WFDC8: variants seen among roughly 807,000 people sequenced by gnomAD.
The protein encoded by WFDC8 is WAP four-disulfide core domain 8, also known as WAP four-disulfide core domain protein 8.
In WFDC8, 24 loss-of-function variants were observed where a neutral mutation model predicts 27.0. That is an observed-to-expected ratio of 0.89 (90% CI 0.64 to 1.25). The LOEUF (loss-of-function observed/expected upper bound fraction) is 1.25, where lower values mean the gene tolerates loss of function less well. WFDC8 is among the 50% of genes most tolerant of loss of function. WFDC8 has a pLI of 0.00. For missense variants in WFDC8, 287 were observed against 295.9 expected, an observed-to-expected ratio of 0.97 and a Z score of 0.22; for synonymous variants, 106 against 99.7, an observed-to-expected ratio of 1.06 and a Z score of -0.38.
rs549256551 is a variant in WFDC8, at chr20:45,555,030, A to C, written c.445+671T>G. Among the ~76,000 whole-genome samples, 213 of 152,276 alleles carry C rather than the reference A, an allele frequency of 1.4e-3. 1 individual carries two copies. Among genetic ancestry groups the C allele is most frequent in the South Asian group, 6.0e-3 (29 of 4,828 alleles). On this transcript the variant is annotated intron_variant, in intron 4 of 5. Coordinates refer to ENST00000289953, the MANE Select transcript of WFDC8 (RefSeq NM_130896.3). ...CACACCACGGGACCACCACTCTATC[A>C]AGTCTTTGTGTTTTAAATCACATAT...
intron 4 of WFDC8, among the ~76,000 whole-genome samples, chr20:45,554,609 C>T (rs1055316043): frequency 6.6e-6 from 1 of 152,152 alleles, no homozygotes; most frequent in African/African-American, 2.4e-5. Context: ...CCTAAATTTC[C>T]CACAAACCAG....
At chr20:45,564,655 A>G (rs1389977252) in intron 1 of WFDC8, among the ~76,000 whole-genome samples, 1 of 148,222 alleles carries the variant, frequency 6.7e-6, no homozygotes, top group Non-Finnish European at 1.5e-5. Context: ...AGCCTGGGCA[A>G]TAGAGAGAGA....
At chr20:45,561,739 CGTGT>C (rs10534885) in intron 2 of WFDC8, among the ~76,000 whole-genome samples, 5,675 of 147,734 alleles carry the variant, frequency 0.038, 125 homozygotes, top group Middle Eastern at 0.13. Flanking sequence ...ATTAAACTTG[CGTGT>C]GTGTGTGTGT....
At chr20:45,574,922 T>C (rs1980993301) in intron 1 of WFDC8, among the ~76,000 whole-genome samples, 1 of 152,164 alleles carries the variant, frequency 6.6e-6, no homozygotes, top group Non-Finnish European at 1.5e-5. Context: ...ATTAGTGATA[T>C]AAATAATATG....
intron 1 of WFDC8, among the ~76,000 whole-genome samples, chr20:45,576,356 A>G (rs2145579441): frequency 6.6e-6 from 1 of 151,276 alleles, no homozygotes; most frequent in Middle Eastern, 3.6e-3. Flanking sequence ...ACCATTATCT[A>G]GCAAGCCATC....
At chr20:45,560,115 A>T (rs1980414695) in intron 2 of WFDC8, among the ~76,000 whole-genome samples, 1 of 152,222 alleles carries the variant, frequency 6.6e-6, no homozygotes, top group Non-Finnish European at 1.5e-5. Context: ...TAGGTCCTTG[A>T]AAAGCAGAGT....
At chr20:45,575,030 A>G (rs57911170) in intron 1 of WFDC8, among the ~76,000 whole-genome samples, 2,780 of 152,312 alleles carry the variant, frequency 0.018, 82 homozygotes, top group African/African-American at 0.057. Context: ...GTACATCAAC[A>G]CAATAAAGGC....
intron 3 of WFDC8, among the ~76,000 whole-genome samples, chr20:45,557,516 T>A (rs1338365870): frequency 6.6e-6 from 1 of 152,154 alleles, no homozygotes; most frequent in Non-Finnish European, 1.5e-5. Flanking sequence ...CATTGCAACC[T>A]CTGCCTCCCG....
intron 1 of WFDC8, chr20:45,568,526 T>C: frequency 2.5e-6 from 1 of 406,906 alleles, no homozygotes; most frequent in Non-Finnish European, 5.0e-6. Flanking sequence ...CCTGATGTAA[T>C]GTCCAGAAGG....
chr20:45,560,551 C>T (rs1980430276), intron 2 of WFDC8, among the ~76,000 whole-genome samples: 1 of 152,226 alleles, frequency 6.6e-6, no homozygotes, highest in Admixed American at 6.5e-5. Context: ...CTTTCAGATA[C>T]TACTGAGTCT....
intron 2 of WFDC8, among the ~76,000 whole-genome samples, chr20:45,561,681 G>T (rs1193931748): frequency 1.3e-5 from 2 of 151,726 alleles, no homozygotes; most frequent in Admixed American, 6.6e-5. Flanking sequence ...CTCCTCACTG[G>T]TCCTCTCCCC....
chr20:45,563,472 CT>C (rs1416514686), intron 1 of WFDC8, among the ~76,000 whole-genome samples: 1 of 152,180 alleles, frequency 6.6e-6, no homozygotes, highest in Non-Finnish European at 1.5e-5. Flanking sequence ...GGTTCAGTCA[CT>C]TCACTTCACT....
chr20:45,562,468 C>A (rs1393844358), intron 1 of WFDC8, among the ~76,000 whole-genome samples: 1 of 152,224 alleles, frequency 6.6e-6, no homozygotes, highest in African/African-American at 2.4e-5. Flanking sequence ...CACACAGACA[C>A]TTGCCTATTG....
chr20:45,574,674 C>G (rs1448233728), intron 1 of WFDC8, among the ~76,000 whole-genome samples: 1 of 152,106 alleles, frequency 6.6e-6, no homozygotes, highest in Non-Finnish European at 1.5e-5. Flanking sequence ...GACACATCCC[C>G]ATAATCCCAG....
intron 2 of WFDC8, among the ~76,000 whole-genome samples, chr20:45,560,311 AG>A (rs1980420733): frequency 6.6e-6 from 1 of 152,242 alleles, no homozygotes; most frequent in South Asian, 2.1e-4. Context: ...TACTACAACC[AG>A]GGAGCTTGGG....
At chr20:45,579,097 C>T in intron 1 of WFDC8, 125 bp downstream of exon 1, 1 of 875,664 alleles carries the variant, frequency 1.1e-6, no homozygotes, top group South Asian at 1.5e-5. Flanking sequence ...TCTGTGGAAC[C>T]CCTCCTCACT....
At position 45,552,052 on chromosome 20, in the gene WFDC8, G is replaced by T. The variant is rs755959779; in HGVS notation, c.700C>A (p.Leu234Met). ...CAACGTCTGGGGTCCATACATTTCA[G>T]TCCACAATGTGAGCAGCACTTTTCC... ...LVEKCCSHCG[L>M]KCMDPRR Residue 234 changes from leucine to methionine, a missense_variant, in exon 6 of 6, where the codon CTG becomes ATG. By Grantham distance (15) the Leu-to-Met change is conservative. Transcript: ENST00000289953. 1.2e-6 allele frequency: 2 copies of T among 1,614,024 alleles called. No individual in the cohort carries two copies. The highest frequency in any genetic ancestry group is 2.2e-5 in the South Asian group (2 of 91,066).
rs568899414 is a variant in WFDC8 at position 45,558,533 on chromosome 20, A to C, written c.277+319T>G. On this transcript the variant is annotated intron_variant, in intron 3 of 5. Transcript: ENST00000289953. ...TTGAAGATCAAAGAGTCTGAAAAACAATGCCAGCATTTAAGCTGACTGAGG... is the reference window on the plus strand; with the variant it reads ...TTGAAGATCAAAGAGTCTGAAAAACCATGCCAGCATTTAAGCTGACTGAGG... Among the ~76,000 whole-genome samples, 4 of 152,370 alleles carry C rather than the reference A, an allele frequency of 2.6e-5. No individual in the cohort carries two copies. In the South Asian group the frequency reaches 8.3e-4, roughly 32 times the overall value.
intron 1 of WFDC8, among the ~76,000 whole-genome samples, chr20:45,573,838 AT>A (rs1446479899): frequency 6.6e-6 from 1 of 152,080 alleles, no homozygotes; most frequent in Non-Finnish European, 1.5e-5. Flanking sequence ...AAATGTATAG[AT>A]TTATTTCTGG....
Sources: allele counts gnomAD v4.1 joint callset (sites outside exome capture counted in the v4.1 genomes callset), GRCh38; gene constraint gnomAD v4.1.1; transcripts MANE v1.5; gene names NCBI Gene and HGNC (gene_info 2026-07-23, HGNC 2026-07-21).